KCNU1: variants seen among roughly 807,000 people sequenced by gnomAD.
The protein encoded by KCNU1 is potassium channel subfamily U member 1.
Under a neutral mutation model 126.8 loss-of-function variants are expected in KCNU1, and 93 were observed. The ratio of observed to expected loss-of-function variants is 0.73; its 90% CI spans 0.62 to 0.87. The LOEUF (loss-of-function observed/expected upper bound fraction) is 0.87, where lower values mean the gene tolerates loss of function less well. Ranked by LOEUF, KCNU1 falls within the 40% of genes least tolerant of loss-of-function variation. The pLI is 0.00. For synonymous variants in KCNU1, 523 were observed against 494.2 expected (o/e 1.06, Z -0.77); for missense variants, 1,330 against 1,367.1 (o/e 0.97, Z 0.43).
At position 36,905,762 on chromosome 8, in the gene KCNU1, G is replaced by A. The variant is rs545781072; in HGVS notation, c.2064G>A (p.Met688Ile). Residue 688 changes from methionine (M) to isoleucine (I), a missense_variant, in exon 20 of 27, where the codon ATG (methionine) becomes ATA (isoleucine). Physicochemically the swap from Met to Ile is conservative, Grantham distance 10. This residue lies in a region of KCNU1 where 1,054 missense variants were observed against 1,053.9 expected (regional missense o/e 1.00). Coordinates refer to ENST00000399881, the MANE Select transcript of KCNU1 (RefSeq NM_001031836.3). ...CTGACCAGCTTGATAGCAGTGGGAT[G>A]TTTCACTGGTGCAAACCAACCTCTT... is the stretch of plus-strand genomic sequence containing the variant. Reference protein sequence around the residue: ...QDSDQLDSSGMFHWCKPTSLD... With the variant: ...QDSDQLDSSGIFHWCKPTSLD... The A allele has an allele frequency of 1.9e-6, 3 of 1,603,438 alleles. No homozygotes were observed. In the South Asian group the frequency reaches 3.3e-5, roughly 18 times the overall value.
At chr8:36,851,366 A>G (rs1805337111) in intron 18 of KCNU1, among the ~76,000 whole-genome samples, 1 of 133,656 alleles carries the variant, frequency 7.5e-6, no homozygotes, top group Non-Finnish European at 1.7e-5. Flanking sequence ...AAAGTGTGGC[A>G]CTTCCCTTCT....
In KCNU1 at chr8:36,931,084, G is replaced by A; in HGVS notation, c.2870G>A (p.Gly957Glu). ...GATAGCTGCACGTCGCTCTTGTCTG[G>A]AAGAAACCGGTGTAAGCTGGGGCTT... The part of the protein sequence containing the change: ...VADSCTSLLS[G>E]RNRCKLGLLS... Residue 957 changes from glycine to glutamate, a missense_variant, in exon 25 of 27, where the codon GGA becomes GAA. By Grantham distance (98) the Gly-to-Glu change is moderately conservative. Coordinates refer to ENST00000399881, the MANE Select transcript of KCNU1 (RefSeq NM_001031836.3). 6.2e-7 allele frequency: 1 copy of A among 1,611,802 alleles called. No homozygotes were observed. Among genetic ancestry groups the A allele is most frequent in the Non-Finnish European group, 8.5e-7 (1 of 1,178,794 alleles).
intron 19 of KCNU1, among the ~76,000 whole-genome samples, chr8:36,871,635 C>A (rs528776560): frequency 1.3e-5 from 2 of 152,168 alleles, no homozygotes; most frequent in East Asian, 3.9e-4. Context: ...AAAGGAGAGA[C>A]AAGGCATTTT....
intron 18 of KCNU1, among the ~76,000 whole-genome samples, chr8:36,851,387 A>ATC (rs35502970): frequency 0.041 from 4,900 of 120,006 alleles, 144 homozygotes; most frequent in African/African-American, 0.085. Flanking sequence ...CTCTCTCTCT[A>ATC]TCTCTCTCTC....
chr8:36,822,075 A>G (rs1228379429), intron 10 of KCNU1, among the ~76,000 whole-genome samples: 1 of 152,020 alleles, frequency 6.6e-6, no homozygotes, highest in Non-Finnish European at 1.5e-5. Flanking sequence ...TTTCCCTTCT[A>G]TTGAATCTGG....
intron 18 of KCNU1, among the ~76,000 whole-genome samples, chr8:36,852,134 G>T (rs1805372410): frequency 6.6e-6 from 1 of 151,932 alleles, no homozygotes; most frequent in Non-Finnish European, 1.5e-5. Context: ...TAATTATGTG[G>T]TTTTTATATT....
rs760117431 is a variant in KCNU1, at chr8:36,909,351, T to C, written c.2147T>C (p.Ile716Thr). The change falls in exon 21 of 27, where the codon ATT (isoleucine) becomes ACT (threonine). Residue 716 changes from isoleucine (I) to threonine (T), a missense_variant. By Grantham distance (89) the Ile-to-Thr change is moderately conservative (BLOSUM62 -1). This residue lies in a region of KCNU1 where 1,054 missense variants were observed against 1,053.9 expected (regional missense o/e 1.00). Transcript: ENST00000399881. ...GKSKYKFRNH[I>T]VACVFGDAHS... ...TCAAAGTATAAGTTTCGGAACCATA[T>C]TGTAGCATGTGTATTTGGAGATGCC... The C allele has an allele frequency of 3.1e-6, 5 of 1,613,716 alleles. No homozygotes were observed. Among genetic ancestry groups the C allele is most frequent in the South Asian group, 2.2e-5 (2 of 91,070 alleles).
intron 19 of KCNU1, among the ~76,000 whole-genome samples, chr8:36,867,838 A>T (rs1184168848): frequency 1.3e-5 from 2 of 152,196 alleles, no homozygotes; most frequent in Admixed American, 6.5e-5. Flanking sequence ...ATCTAAAGGG[A>T]GAATGGATCC....
At chr8:36,897,903 T>C (rs1807261213) in intron 19 of KCNU1, among the ~76,000 whole-genome samples, 1 of 152,132 alleles carries the variant, frequency 6.6e-6, no homozygotes, top group Admixed American at 6.6e-5. Flanking sequence ...GGACTCCATG[T>C]CGTGAGTGAT....
chr8:36,917,529 T>TA (rs373573093), intron 22 of KCNU1, among the ~76,000 whole-genome samples: 2 of 151,236 alleles, frequency 1.3e-5, no homozygotes, highest in African/African-American at 4.9e-5. Context: ...TTTTTTTTTT[T>TA]AATTTTTGTA....
intron 10 of KCNU1, among the ~76,000 whole-genome samples, chr8:36,821,798 G>C (rs1015399340): frequency 1.3e-5 from 2 of 151,590 alleles, no homozygotes; most frequent in Non-Finnish European, 2.9e-5. Flanking sequence ...CTCACTTTCA[G>C]TGCAGTATTC....
rs1275663345 is a variant in KCNU1, at chr8:36,805,396, T to G, written c.468+111T>G. On this transcript the variant is annotated intron_variant, in intron 4 of 26. Transcript: ENST00000399881. ...CTGCCCGAGTTTTCAACTCTAAAGA[T>G]AGCTAATCTGTGCCCTAACTTGTTA... 5 of 677,860 alleles carry G rather than the reference T, an allele frequency of 7.4e-6. No homozygotes were observed. The East Asian group carries it at 1.1e-4, about 15-fold the overall frequency. The allele number at this position is 677,860 out of a possible 1,614,324, so 42.0% of individuals were successfully genotyped here.
intron 19 of KCNU1, among the ~76,000 whole-genome samples, chr8:36,887,434 G>A (rs1394797349): frequency 6.7e-6 from 1 of 148,480 alleles, no homozygotes; most frequent in Non-Finnish European, 1.5e-5. Flanking sequence ...CATGTTTATT[G>A]GCCATTTGTT....
intron 7 of KCNU1, among the ~76,000 whole-genome samples, chr8:36,809,487 A>G (rs888863593): frequency 2.6e-5 from 4 of 152,226 alleles, no homozygotes; most frequent in Admixed American, 6.5e-5. Flanking sequence ...CAAAATTAAT[A>G]TAAAACAATA....
At chr8:36,795,091 C>A (rs1417663590) in intron 2 of KCNU1, among the ~76,000 whole-genome samples, 1 of 152,128 alleles carries the variant, frequency 6.6e-6, no homozygotes. Flanking sequence ...TAATTCTACC[C>A]CACAGGGCAA....
chr8:36,933,159 TA>T (rs1220119598), intron 26 of KCNU1, 127 bp downstream of exon 26: 2 of 610,512 alleles, frequency 3.3e-6, no homozygotes, highest in Non-Finnish European at 5.8e-6. Context: ...GCATGGGAAA[TA>T]AAAAACTATG....
intron 2 of KCNU1, among the ~76,000 whole-genome samples, chr8:36,793,653 G>A (rs1802984091): frequency 1.3e-5 from 2 of 152,176 alleles, no homozygotes; most frequent in South Asian, 2.1e-4. Context: ...GCATTAAGCA[G>A]TAATTACTAA....
At chr8:36,836,264 A>G (rs1267847502) in intron 12 of KCNU1, 32 bp from the exon 13 acceptor site, 3 of 1,404,160 alleles carry the variant, frequency 2.1e-6, no homozygotes, top group Non-Finnish European at 3.0e-6. Flanking sequence ...GCTATGACAC[A>G]TGACTAATGA....
chr8:36,801,499 CG>C (rs2130391348), intron 2 of KCNU1, among the ~76,000 whole-genome samples: 1 of 150,972 alleles, frequency 6.6e-6, no homozygotes, highest in African/African-American at 2.4e-5. Flanking sequence ...GGGTTGTAAA[CG>C]TAAGTAATAT....
Sources: gnomAD v4.1 joint callset for allele counts (sites outside exome capture counted in the v4.1 genomes callset) on GRCh38, gnomAD v4.1.1 for gene constraint, gnomAD v4.1.1 regional missense constraint, MANE v1.5 for transcripts, NCBI Gene and HGNC (gene_info 2026-07-23, HGNC 2026-07-21) for gene names.